Variants in AREG observed in about 807,000 individuals in gnomAD.
The protein encoded by AREG is amphiregulin.
AREG carries 16 observed loss-of-function variants against 28.0 expected under a neutral mutation model. The observed-to-expected ratio is 0.57, with a 90% CI of 0.39 to 0.87. The LOEUF (loss-of-function observed/expected upper bound fraction) is 0.87. Ranked by LOEUF, AREG falls within the 40% of genes least tolerant of loss-of-function variation. AREG has a pLI of 0.00. For missense variants in AREG, 287 were observed against 309.1 expected (o/e 0.93, Z 0.53); for synonymous variants, 113 against 113.5 (o/e 1.00, Z 0.02).
At chr4:74,445,908 G>T (rs1719274768) in intron 1 of AREG, among the ~76,000 whole-genome samples, 1 of 151,902 alleles carries the variant, frequency 6.6e-6, no homozygotes, top group Non-Finnish European at 1.5e-5. Context: ...CTTAACTCTG[G>T]GCCCCAAATC....
At chr4:74,450,351 T>G in intron 3 of AREG, 29 bp from the exon 4 acceptor site, 6 of 1,613,944 alleles carry the variant, frequency 3.7e-6, no homozygotes, top group Non-Finnish European at 5.1e-6. Context: ...TTTTTGTGAT[T>G]ATAATTTTTA....
chr4:74,452,711 C>T, intron 5 of AREG, 56 bp downstream of exon 5: 1 of 1,482,838 alleles, frequency 6.7e-7, no homozygotes, highest in African/African-American at 1.4e-5. Context: ...AAAAATTTAA[C>T]ACTATATAAT....
chr4:74,449,011 T>C (rs1211239524), intron 2 of AREG, 36 bp from the exon 3 acceptor site: 1 of 1,604,344 alleles, frequency 6.2e-7, no homozygotes, highest in South Asian at 1.1e-5. Context: ...TATTCAAGTT[T>C]GAGAGACTCT....
At chr4:74,454,616 C>G (rs1409974573) in intron 5 of AREG, 143 bp from the exon 6 acceptor site, 1 of 509,274 alleles carries the variant, frequency 2.0e-6, no homozygotes, top group Non-Finnish European at 3.4e-6. Context: ...CTTAGCATTT[C>G]TCAAACGATG....
rs947741646 is a variant in AREG, at chr4:74,450,112, C to T, written c.513-268C>T. Among the ~76,000 whole-genome samples the T allele has an allele frequency of 1.4e-4, 21 of 152,280 alleles. 1 individual carries two copies. The highest frequency in any genetic ancestry group is 4.3e-4 in the African/African-American group (18 of 41,556). On this transcript the variant is annotated intron_variant, in intron 3 of 5. Transcript: ENST00000395748. ...GGAATGTATCAACTGCATAACAAATCACTGAACTCATCAGTTGGTCATAAA... is the reference window on the plus strand; with the variant it reads ...GGAATGTATCAACTGCATAACAAATTACTGAACTCATCAGTTGGTCATAAA...
At chr4:74,447,558 A>G (rs1160158405) in intron 2 of AREG, among the ~76,000 whole-genome samples, 2 of 152,192 alleles carry the variant, frequency 1.3e-5, no homozygotes, top group East Asian at 3.9e-4. Context: ...CCAAAGTAAG[A>G]GAGAAATATT....
chr4:74,451,094 C>T (rs1396738106), intron 4 of AREG, among the ~76,000 whole-genome samples: 1 of 152,162 alleles, frequency 6.6e-6, no homozygotes, highest in Non-Finnish European at 1.5e-5. Context: ...AATATGAGAA[C>T]TCAATTATTA....
chr4:74,453,255 C>T (rs1459321944), intron 5 of AREG, among the ~76,000 whole-genome samples: 1 of 152,094 alleles, frequency 6.6e-6, no homozygotes, highest in Non-Finnish European at 1.5e-5. Flanking sequence ...GTTGCGGGTG[C>T]TTGCACTGAT....
intron 1 of AREG, 91 bp downstream of exon 1, chr4:74,445,497 C>G (rs1719266900): frequency 5.8e-6 from 9 of 1,545,288 alleles, no homozygotes; most frequent in East Asian, 2.4e-5. Flanking sequence ...AAAAATCGCC[C>G]TTTAGTTCCC....
chr4:74,452,704 A>T (rs971260246), intron 5 of AREG, 49 bp downstream of exon 5: 2 of 1,512,992 alleles, frequency 1.3e-6, no homozygotes, highest in Non-Finnish European at 1.8e-6. Flanking sequence ...AATTTTGAAA[A>T]ATTTAACACT....
intron 3 of AREG, 22 bp downstream of exon 3, chr4:74,449,270 A>G (rs1299345063): frequency 1.2e-6 from 2 of 1,613,508 alleles, no homozygotes; most frequent in African/African-American, 2.7e-5. Flanking sequence ...TAAAGCATAT[A>G]GAATTTTGTA....
intron 4 of AREG, among the ~76,000 whole-genome samples, chr4:74,451,244 G>A (rs1382678073): frequency 6.6e-6 from 1 of 152,134 alleles, no homozygotes; most frequent in African/African-American, 2.4e-5. Flanking sequence ...GGACTAGACT[G>A]TCCCAGGTAG....
Position 74,446,601 on chromosome 4 carries a change from C to G in AREG, c.129C>G (p.Asp43Glu), listed in dbSNP as rs371101891. The G allele has an allele frequency of 3.7e-6, 6 of 1,613,932 alleles. No homozygotes were observed. Among genetic ancestry groups the G allele is most frequent in the Non-Finnish European group, 4.2e-6 (5 of 1,179,868 alleles). ...YSGKREPFSG[D>E]HSADGFEVTS... ...GGAAGCGTGAACCATTTTCTGGGGA[C>G]CACAGTGCTGATGGATTTGAGGTTA... is the stretch of plus-strand genomic sequence containing the variant. The change falls in exon 2 of 6, where the codon GAC becomes GAG. Residue 43 changes from aspartate (D) to glutamate (E), a missense_variant. Asp to Glu is a conservative substitution (Grantham distance 45). Transcript: ENST00000395748.
At position 74,445,184 on chromosome 4, in the gene AREG, C is replaced by T; in HGVS notation, c.-162C>T. The T allele has an allele frequency of 1.4e-6, 2 of 1,462,356 alleles. No homozygotes were observed. The highest frequency in any genetic ancestry group is 2.3e-5 in the Admixed American group (1 of 44,302). 90.6% of individuals were successfully genotyped at this position (1,462,356 alleles called of 1,614,324 possible). ...AGCGCCCCAGAGGTCCCGGGACAGC[C>T]CGAGGCGCCGCGCCCGCCGCCCCGA... On this transcript the variant is annotated 5_prime_UTR_variant, in exon 1 of 6. Transcript: ENST00000395748.
intron 2 of AREG, 141 bp from the exon 3 acceptor site, chr4:74,448,906 A>G: frequency 8.3e-7 from 1 of 1,211,472 alleles, no homozygotes; most frequent in Non-Finnish European, 1.1e-6. Flanking sequence ...AGTCCTCTCT[A>G]ACTTTTATAT....
intron 3 of AREG, among the ~76,000 whole-genome samples, chr4:74,449,905 GCTCT>G (rs34389731): frequency 1.2e-3 from 178 of 145,390 alleles, no homozygotes; most frequent in Middle Eastern, 3.5e-3. Flanking sequence ...GCTCCTGCTT[GCTCT>G]CTCTCTCTCT....
rs976377807 is a variant in AREG at position 74,449,025 on chromosome 4, CAATA to C, written c.311-18_311-15del. ...ATATTCAAGTTTGAGAGACTCTTGT[CAATA>C]AATCTTTTCTTTTTTAGTTGAACAG... On this transcript the variant is annotated intron_variant, in intron 2 of 5. Coordinates refer to ENST00000395748, the MANE Select transcript of AREG (RefSeq NM_001657.4). 2 of 1,605,672 alleles carry C rather than the reference CAATA, an allele frequency of 1.2e-6. No individual in the cohort carries two copies. Among genetic ancestry groups the C allele is most frequent in the African/African-American group, 2.8e-5 (2 of 72,290 alleles).
At chr4:74,448,895 CA>C in intron 2 of AREG, 151 bp from the exon 3 acceptor site, 1 of 1,094,482 alleles carries the variant, frequency 9.1e-7, no homozygotes, top group East Asian at 2.6e-5. Context: ...TAGGGTTATG[CA>C]GTCCTCTCTA....
At chr4:74,454,396 T>C (rs1246271008) in intron 5 of AREG, among the ~76,000 whole-genome samples, 1 of 152,250 alleles carries the variant, frequency 6.6e-6, no homozygotes, top group Non-Finnish European at 1.5e-5. Flanking sequence ...ATCATAAATA[T>C]GCTGAGACAG....
Sources: allele counts gnomAD v4.1 joint callset (sites outside exome capture counted in the v4.1 genomes callset), GRCh38; gene constraint gnomAD v4.1.1; transcripts MANE v1.5; gene names NCBI Gene and HGNC (gene_info 2026-07-23, HGNC 2026-07-21).